SGCZ: variants seen among roughly 807,000 people sequenced by gnomAD.
SGCZ encodes the protein sarcoglycan zeta.
In SGCZ, 40 loss-of-function variants were observed where a neutral mutation model predicts 41.3. That is an observed-to-expected ratio of 0.97 (90% CI 0.75 to 1.26). The LOEUF (loss-of-function observed/expected upper bound fraction) is 1.26, where lower values mean the gene tolerates loss of function less well. Ranked by LOEUF, SGCZ falls within the 50% of genes most tolerant of loss-of-function variation. SGCZ has a pLI of 0.00. For synonymous variants in SGCZ, 206 were observed against 137.5 expected, an observed-to-expected ratio of 1.50 and a Z score of -3.49; for missense variants, 552 against 369.8, an observed-to-expected ratio of 1.49 and a Z score of -4.04.
In SGCZ at chr8:14,767,134, G is replaced by A. The variant is rs1800061685; in HGVS notation, c.40-212208C>T. Reference sequence around the variant, plus strand: ...GAGCTTGTCAATATTCAGAATCGGGGCTAGGCTTGCTTTGCCCAATGTGAT... The same window carrying A: ...GAGCTTGTCAATATTCAGAATCGGGACTAGGCTTGCTTTGCCCAATGTGAT... On this transcript the variant is annotated intron_variant, in intron 1 of 7. Transcript: ENST00000382080. Among the ~76,000 whole-genome samples the A allele has an allele frequency of 1.3e-5, 2 of 152,088 alleles. 1 individual carries two copies. The highest frequency in any genetic ancestry group is 2.9e-5 in the Non-Finnish European group (2 of 68,032).
At chr8:14,506,326 A>G (rs1802304183) in intron 2 of SGCZ, among the ~76,000 whole-genome samples, 1 of 152,100 alleles carries the variant, frequency 6.6e-6, no homozygotes, top group Admixed American at 6.6e-5. Context: ...GTCAAGGTCA[A>G]CCTCTCCATT....
intron 5 of SGCZ, among the ~76,000 whole-genome samples, chr8:14,130,119 A>G (rs931191850): frequency 1.3e-5 from 2 of 152,246 alleles, no homozygotes; most frequent in African/African-American, 4.8e-5. Context: ...TGGAACTAGT[A>G]TAAGGACAGA....
chr8:14,355,045 A>G (rs73664316), intron 2 of SGCZ, among the ~76,000 whole-genome samples: 6,828 of 152,014 alleles, frequency 0.045, 506 homozygotes, highest in African/African-American at 0.15. Flanking sequence ...TAGCAATTCA[A>G]TTCTTACAAA....
chr8:14,249,305 T>G (rs546548668), intron 3 of SGCZ, among the ~76,000 whole-genome samples: 7 of 152,260 alleles, frequency 4.6e-5, no homozygotes, highest in Middle Eastern at 3.4e-3. Context: ...TTTCAGGCCT[T>G]CATGTTTGGT....
At chr8:14,141,148 T>A (rs1051344501) in intron 5 of SGCZ, among the ~76,000 whole-genome samples, 1 of 152,210 alleles carries the variant, frequency 6.6e-6, no homozygotes, top group Non-Finnish European at 1.5e-5. Flanking sequence ...GATTCCTTCG[T>A]TACACCTTGT....
intron 4 of SGCZ, among the ~76,000 whole-genome samples, chr8:14,200,638 A>G (rs186324235): frequency 1.5e-4 from 23 of 152,136 alleles, no homozygotes; most frequent in Non-Finnish European, 2.9e-4. Flanking sequence ...TGTTTTTCCA[A>G]CAAAACATGC....
intron 1 of SGCZ, among the ~76,000 whole-genome samples, chr8:14,762,926 T>C (rs969661787): frequency 6.6e-6 from 1 of 152,212 alleles, no homozygotes; most frequent in Admixed American, 6.5e-5. Context: ...TTGGCATTAT[T>C]AGTTGTATGA....
chr8:14,301,957 T>C (rs1390768901), intron 3 of SGCZ, among the ~76,000 whole-genome samples: 1 of 152,162 alleles, frequency 6.6e-6, no homozygotes, highest in African/African-American at 2.4e-5. Context: ...CTGCCTTTCA[T>C]TTACAGTTCA....
At chr8:14,721,920 T>G (rs190543747) in intron 1 of SGCZ, among the ~76,000 whole-genome samples, 49 of 152,274 alleles carry the variant, frequency 3.2e-4, no homozygotes, top group Admixed American at 8.5e-4. Flanking sequence ...CTTGGAAATT[T>G]CAGTCATTCT....
intron 2 of SGCZ, among the ~76,000 whole-genome samples, chr8:14,340,337 G>T (rs1396622368): frequency 1.3e-5 from 2 of 152,094 alleles, no homozygotes. Flanking sequence ...GGTTAGTTAT[G>T]ATCCAATTAC....
At chr8:14,610,292 G>A (rs1805885166) in intron 1 of SGCZ, among the ~76,000 whole-genome samples, 1 of 152,148 alleles carries the variant, frequency 6.6e-6, no homozygotes, top group Non-Finnish European at 1.5e-5. Flanking sequence ...CTGAAAACAG[G>A]AGATAAACTC....
At chr8:14,096,883 T>C (rs1268373585) in intron 7 of SGCZ, among the ~76,000 whole-genome samples, 1 of 152,170 alleles carries the variant, frequency 6.6e-6, no homozygotes, top group African/African-American at 2.4e-5. Context: ...TTTTCTAATT[T>C]ATTTGTTTAG....
At chr8:14,927,014 A>G (rs991611964) in intron 1 of SGCZ, among the ~76,000 whole-genome samples, 1 of 152,062 alleles carries the variant, frequency 6.6e-6, no homozygotes, top group Admixed American at 6.6e-5. Context: ...TCCTATGGAC[A>G]CAGTATATAG....
chr8:15,052,271 T>G (rs1382850052), intron 1 of SGCZ, among the ~76,000 whole-genome samples: 1 of 152,196 alleles, frequency 6.6e-6, no homozygotes, highest in Non-Finnish European at 1.5e-5. Flanking sequence ...GAGGGCTTCA[T>G]GGAGAGTGAG....
At chr8:14,194,113 A>T (rs1377368430) in intron 4 of SGCZ, among the ~76,000 whole-genome samples, 1 of 151,858 alleles carries the variant, frequency 6.6e-6, no homozygotes, top group Non-Finnish European at 1.5e-5. Context: ...ACAATATAAT[A>T]CGTAAGAGAT....
chr8:14,733,429 G>A (rs780997738), intron 1 of SGCZ, among the ~76,000 whole-genome samples: 11 of 152,140 alleles, frequency 7.2e-5, no homozygotes, highest in East Asian at 5.8e-4. Flanking sequence ...TCTAGAAATC[G>A]GTGCAGACAA....
intron 3 of SGCZ, among the ~76,000 whole-genome samples, chr8:14,258,842 G>T (rs1342529841): frequency 2.6e-5 from 4 of 152,154 alleles, no homozygotes; most frequent in Non-Finnish European, 5.9e-5. Context: ...TCAGTTTGTA[G>T]AAACTATTCA....
intron 1 of SGCZ, among the ~76,000 whole-genome samples, chr8:15,192,440 A>T (rs1321253813): frequency 1.3e-5 from 2 of 152,172 alleles, no homozygotes; most frequent in East Asian, 3.8e-4. Context: ...GCTACAAAAA[A>T]TTTTTGAAAA....
chr8:14,774,454 T>C (rs1436561382), intron 1 of SGCZ, among the ~76,000 whole-genome samples: 4 of 152,216 alleles, frequency 2.6e-5, no homozygotes, highest in Non-Finnish European at 5.9e-5. Context: ...TTTAGGATTG[T>C]TCACACCTGT....
Sources: allele counts gnomAD v4.1 joint callset (sites outside exome capture counted in the v4.1 genomes callset), GRCh38; gene constraint gnomAD v4.1.1; transcripts MANE v1.5; gene names NCBI Gene and HGNC (gene_info 2026-07-23, HGNC 2026-07-21).